The following SPI1 variants were observed in gnomAD, a reference collection of about 807,000 sequenced individuals.
The protein encoded by SPI1 is Spi-1 proto-oncogene.
Under a neutral mutation model 30.7 loss-of-function variants are expected in SPI1, and 3 were observed. The observed-to-expected ratio is 0.10, with a 90% CI of 0.04 to 0.25. The LOEUF is 0.25. SPI1 is among the 10% of genes least tolerant of loss of function. The probability of loss-of-function intolerance (pLI) is 1.00; values close to 1 mark genes in which losing one functional copy is unlikely to be tolerated. For synonymous variants in SPI1, 169 were observed against 157.1 expected (o/e 1.08, Z -0.56); for missense variants, 261 against 371.5 (o/e 0.70, Z 2.45).
Position 47,359,799 on chromosome 11 carries a change from C to A in SPI1, c.330+54G>T, listed in dbSNP as rs1040574101. The A allele has an allele frequency of 6.4e-7, 1 of 1,572,872 alleles. No individual in the cohort carries two copies. Among genetic ancestry groups the A allele is most frequent in the African/African-American group, 1.3e-5 (1 of 74,348 alleles). ...GTCAGCTTCCTGTGAAGCTCCCGGG[C>A]CCCACCACAGGCCTGGCAGTCTCCT... On this transcript the variant is annotated intron_variant, in intron 3 of 4. Coordinates refer to ENST00000378538, the MANE Select transcript of SPI1 (RefSeq NM_003120.3). The surrounding 1 kb of genome is among the most constrained non-coding windows in gnomAD (Gnocchi z 5.1).
intron 2 of SPI1, among the ~76,000 whole-genome samples, chr11:47,370,874 A>G (rs1366376039): frequency 6.6e-6 from 1 of 151,136 alleles, no homozygotes; most frequent in Non-Finnish European, 1.5e-5. Context: ...GTGTGGAGAA[A>G]TGTGAGTGTG....
intron 2 of SPI1, among the ~76,000 whole-genome samples, chr11:47,367,504 A>G (rs192921778): frequency 6.8e-6 from 1 of 148,078 alleles, no homozygotes; most frequent in Admixed American, 6.9e-5. Flanking sequence ...CAGTGAGCCA[A>G]GGTCACACCA....
chr11:47,375,900 A>T lies in SPI1; in HGVS notation c.46-171T>A, dbSNP rs566248324. On this transcript the variant is annotated intron_variant, in intron 1 of 4. Coordinates refer to ENST00000378538, the MANE Select transcript of SPI1 (RefSeq NM_003120.3). The surrounding 1 kb of genome is among the most constrained non-coding windows in gnomAD (Gnocchi z 4.2). ...ACAGAGAGTGGGGCAGGGGACCCAG[A>T]AGGCCTGAAAAGGGGTGACAGGGAC... Among the ~76,000 whole-genome samples, 1 of 152,142 alleles carries T rather than the reference A, an allele frequency of 6.6e-6. No individual in the cohort carries two copies. Among genetic ancestry groups the T allele is most frequent in the East Asian group, 1.9e-4 (1 of 5,158 alleles).
In SPI1 at chr11:47,356,512, A is replaced by G. The variant is rs563975336; in HGVS notation, c.494-966T>C. 3.8e-5 allele frequency among the ~76,000 whole-genome samples: 3 copies of G among 78,124 alleles called. No homozygotes were observed. The South Asian group carries it at 1.3e-3, about 33-fold the overall frequency. 51.3% of individuals were successfully genotyped at this position (78,124 alleles called of 152,430 possible). A position where few individuals can be genotyped will look rare whatever the true frequency, so the allele number is the denominator to read the frequency against. ...TGCACCTTCTCACACTCATATGCCC[A>G]CTCACACCTGCTCACACACACCTCA... On this transcript the variant is annotated intron_variant, in intron 4 of 4. Transcript: ENST00000378538.
intron 2 of SPI1, among the ~76,000 whole-genome samples, chr11:47,369,903 C>G (rs2095933407): frequency 6.6e-6 from 1 of 152,244 alleles, no homozygotes; most frequent in African/African-American, 2.4e-5. Context: ...TTTCCAGGCA[C>G]TGTTCTAAGC....
Position 47,359,772 on chromosome 11 carries a change from G to A in SPI1, c.330+81C>T, listed in dbSNP as rs915524816. Reference sequence around the variant, plus strand: ...AGGAAGCTGAGTTGGGTAAGAGCCTGTGTCAGCTTCCTGTGAAGCTCCCGG... The same window carrying A: ...AGGAAGCTGAGTTGGGTAAGAGCCTATGTCAGCTTCCTGTGAAGCTCCCGG... On this transcript the variant is annotated intron_variant, in intron 3 of 4. Coordinates refer to ENST00000378538, the MANE Select transcript of SPI1 (RefSeq NM_003120.3). The surrounding 1 kb of genome is among the most constrained non-coding windows in gnomAD (Gnocchi z 5.1). 53 of 1,485,886 alleles carry A rather than the reference G, an allele frequency of 3.6e-5. No homozygotes were observed. The highest frequency in any genetic ancestry group is 7.0e-5 in the Admixed American group (4 of 57,078). The allele number at this position is 1,485,886 out of a possible 1,614,324, so 92.0% of individuals were successfully genotyped here. A position where few individuals can be genotyped will look rare whatever the true frequency, so the allele number is the denominator to read the frequency against.
chr11:47,358,464 T>C, intron 4 of SPI1: 1 of 643,242 alleles, frequency 1.6e-6, no homozygotes, highest in Non-Finnish European at 2.9e-6. Flanking sequence ...CCACACCCAC[T>C]CTCAGCCACA....
At chr11:47,363,465 G>T (rs1412006265) in intron 2 of SPI1, among the ~76,000 whole-genome samples, 1 of 151,876 alleles carries the variant, frequency 6.6e-6, no homozygotes, top group Non-Finnish European at 1.5e-5. Context: ...AGGTTGCAGT[G>T]AGCCAAGATC....
At chr11:47,366,042 A>G (rs181623732) in intron 2 of SPI1, among the ~76,000 whole-genome samples, 1 of 152,164 alleles carries the variant, frequency 6.6e-6, no homozygotes, top group Non-Finnish European at 1.5e-5. Context: ...GACCACCATC[A>G]TTACCCATCA....
Position 47,359,142 on chromosome 11 carries a change from AAGAC to A in SPI1, c.331-140_331-137del. The A allele has an allele frequency of 1.3e-6, 1 of 748,656 alleles. No homozygotes were observed. The allele number at this position is 748,656 out of a possible 1,614,324, so 46.4% of individuals were successfully genotyped here. On this transcript the variant is annotated intron_variant, in intron 3 of 4. Transcript: ENST00000378538. The surrounding 1 kb of genome is among the most constrained non-coding windows in gnomAD (Gnocchi z 5.1). ...GGCAGGCACAGGAGACTGGAGGAAG[AAGAC>A]CAGGGAAAAGGGGGGCCAGTTGAGG...
intron 2 of SPI1, among the ~76,000 whole-genome samples, chr11:47,362,519 C>T (rs1389280188): frequency 6.6e-6 from 1 of 150,890 alleles, no homozygotes; most frequent in African/African-American, 2.4e-5. Context: ...CTGCAGTGAG[C>T]TATGATTACA....
chr11:47,360,116 T>A, intron 2 of SPI1, 76 bp from the exon 3 acceptor site: 1 of 1,282,922 alleles, frequency 7.8e-7, no homozygotes. Flanking sequence ...TAACATTAAA[T>A]AATACTGCCA....
chr11:47,378,435 G>C lies in SPI1; in HGVS notation c.-82C>G, dbSNP rs1467410360. The stretch of plus-strand genomic sequence containing the variant: ...CCCTCAGGATGGGGTGCCCCGTCAG[G>C]GGCTGGACGGTCGTGGGGCGGGTGC... On this transcript the variant is annotated 5_prime_UTR_variant, in exon 1 of 5. Coordinates refer to ENST00000378538, the MANE Select transcript of SPI1 (RefSeq NM_003120.3). 4 of 1,496,424 alleles carry C rather than the reference G, an allele frequency of 2.7e-6. No homozygotes were observed. In the African/African-American group the frequency reaches 5.5e-5, roughly 21 times the overall value. 92.7% of individuals were successfully genotyped at this position (1,496,424 alleles called of 1,614,324 possible). A position where few individuals can be genotyped will look rare whatever the true frequency, so the allele number is the denominator to read the frequency against.
chr11:47,355,660 A>C, intron 4 of SPI1, 114 bp from the exon 5 acceptor site: 2 of 889,278 alleles, frequency 2.2e-6, no homozygotes, highest in South Asian at 1.8e-5. Context: ...GGGCAGGGGA[A>C]CGGCTGCCCC....
chr11:47,368,468 G>A (rs1424014632), intron 2 of SPI1, among the ~76,000 whole-genome samples: 2 of 152,182 alleles, frequency 1.3e-5, no homozygotes, highest in Admixed American at 1.3e-4. Flanking sequence ...CTTCATAGCA[G>A]CGTTCTTCAC....
rs1234342940 is a variant in SPI1 at position 47,355,078 on chromosome 11, G to GT, written c.*148dup. 4.2e-6 allele frequency: 2 copies of GT among 471,488 alleles called. No homozygotes were observed. The highest frequency in any genetic ancestry group is 4.2e-5 in the African/African-American group (2 of 47,942). 29.2% of individuals were successfully genotyped at this position (471,488 alleles called of 1,614,324 possible). On this transcript the variant is annotated 3_prime_UTR_variant, in exon 5 of 5. Transcript: ENST00000378538. The stretch of plus-strand genomic sequence containing the variant: ...AAGCGGGATGTGGAGGGGGCCTGGA[G>GT]TGGGGGGAGGGGGCGGGTGAGGCGA...
intron 2 of SPI1, among the ~76,000 whole-genome samples, chr11:47,360,543 C>T (rs894828530): frequency 4.6e-5 from 7 of 152,160 alleles, no homozygotes; most frequent in African/African-American, 1.7e-4. Context: ...ACCTCCCAGC[C>T]AGGGCCGCGC....
At position 47,355,889 on chromosome 11, in the gene SPI1, CCA is replaced by C. The variant is rs540844135; in HGVS notation, c.494-345_494-344del. On this transcript the variant is annotated intron_variant, in intron 4 of 4. Coordinates refer to ENST00000378538, the MANE Select transcript of SPI1 (RefSeq NM_003120.3). ...ACATGCTCACACATCACGCCCACAC[CCA>C]CTCACACACGTGCTCACACAACGCA... Among the ~76,000 whole-genome samples, 38 of 151,170 alleles carry C rather than the reference CCA, an allele frequency of 2.5e-4. No homozygotes were observed. In the South Asian group the frequency reaches 6.5e-3, roughly 26 times the overall value.
chr11:47,367,648 TAAC>T (rs1439619782), intron 2 of SPI1, among the ~76,000 whole-genome samples: 1 of 142,584 alleles, frequency 7.0e-6, no homozygotes, highest in Non-Finnish European at 1.5e-5. Flanking sequence ...AAAAAGAAAA[TAAC>T]AAGTGTTAGT....
Sources: allele counts gnomAD v4.1 joint callset (sites outside exome capture counted in the v4.1 genomes callset), GRCh38; gene constraint gnomAD v4.1.1; non-coding constraint Gnocchi (gnomAD v3.1); transcripts MANE v1.5; gene names NCBI Gene and HGNC (gene_info 2026-07-23, HGNC 2026-07-21).